The following LRRC2 variants were observed in gnomAD, a reference collection of about 807,000 sequenced individuals.
The protein encoded by LRRC2 is leucine-rich repeat-containing protein 2.
In LRRC2, 27 loss-of-function variants were observed where a neutral mutation model predicts 40.2. The ratio of observed to expected loss-of-function variants is 0.67; its 90% confidence interval spans 0.49 to 0.93. The LOEUF (loss-of-function observed/expected upper bound fraction) is 0.93. Among genes scored for constraint, LRRC2 ranks in the 40% least tolerant of loss-of-function variants. LRRC2 has a pLI of 0.00. For synonymous variants in LRRC2, 147 were observed against 158.9 expected (o/e 0.92, Z 0.56); for missense variants, 402 against 439.6 (o/e 0.91, Z 0.76).
At chr3:46,550,352 G>A (rs555820604) in intron 2 of LRRC2, among the ~76,000 whole-genome samples, 68 of 144,028 alleles carry the variant, frequency 4.7e-4, no homozygotes, top group Non-Finnish European at 7.3e-4. Context: ...AACCAAGAAT[G>A]TAGACACATT....
intron 7 of LRRC2, among the ~76,000 whole-genome samples, chr3:46,525,425 A>AT (rs1023889974): frequency 6.6e-6 from 1 of 151,436 alleles, no homozygotes; most frequent in African/African-American, 2.4e-5. Context: ...TAATTTCTTA[A>AT]TTTTTTGTAG....
chr3:46,555,029 A>G (rs1158551070), intron 1 of LRRC2, among the ~76,000 whole-genome samples: 1 of 152,204 alleles, frequency 6.6e-6, no homozygotes, highest in African/African-American at 2.4e-5. Flanking sequence ...TTAGGCATTT[A>G]TAGATCTTCT....
intron 1 of LRRC2, among the ~76,000 whole-genome samples, chr3:46,554,226 G>A (rs1704735853): frequency 8.6e-6 from 1 of 116,354 alleles, no homozygotes; most frequent in Admixed American, 9.0e-5. Flanking sequence ...CCACTATGTT[G>A]CCCAGACTGG....
At position 46,539,015 on chromosome 3, in the gene LRRC2, G is replaced by C. The variant is rs78682983; in HGVS notation, c.490+30C>G. On this transcript the variant is annotated intron_variant, in intron 4 of 8. Transcript: ENST00000395905. ...ACAGCTGCCTGCTTAACACACCAGA[G>C]GCCCGAAGACCCCTGCTAAGTTGAC... The C allele has an allele frequency of 1.8e-3, 2,850 of 1,607,780 alleles. 48 individuals carry two copies. The East Asian group carries it at 0.035, about 20-fold the overall frequency.
intron 6 of LRRC2, among the ~76,000 whole-genome samples, 184 bp downstream of exon 6, chr3:46,529,721 A>G (rs1243846093): frequency 6.6e-6 from 1 of 152,240 alleles, no homozygotes; most frequent in Non-Finnish European, 1.5e-5. Flanking sequence ...ACATACATGT[A>G]TGATGCAGAC....
chr3:46,555,083 G>T (rs2107047350), intron 1 of LRRC2, among the ~76,000 whole-genome samples: 1 of 152,040 alleles, frequency 6.6e-6, no homozygotes, highest in Non-Finnish European at 1.5e-5. Flanking sequence ...TTTTAATTGG[G>T]TTAATTGGTC....
chr3:46,549,784 C>T (rs1219247413), intron 2 of LRRC2, among the ~76,000 whole-genome samples: 2 of 152,230 alleles, frequency 1.3e-5, no homozygotes, highest in African/African-American at 4.8e-5. Flanking sequence ...ACAGGTGCTT[C>T]CCTAACTCCC....
chr3:46,550,956 A>C (rs1226953695), intron 2 of LRRC2, among the ~76,000 whole-genome samples: 1 of 152,212 alleles, frequency 6.6e-6, no homozygotes, highest in African/African-American at 2.4e-5. Context: ...GTTCATATAC[A>C]TAACTTTCTT....
At chr3:46,542,342 T>C (rs898457171) in intron 3 of LRRC2, among the ~76,000 whole-genome samples, 28 of 133,168 alleles carry the variant, frequency 2.1e-4, no homozygotes, top group Middle Eastern at 7.8e-3. Context: ...TAAAAAAAAA[T>C]TAAATTAGCC....
intron 3 of LRRC2, among the ~76,000 whole-genome samples, chr3:46,544,290 G>C (rs1200538439): frequency 3.3e-5 from 5 of 152,152 alleles, no homozygotes; most frequent in Non-Finnish European, 7.3e-5. Context: ...AGGCAAAGGC[G>C]GGCAGATCAC....
At chr3:46,551,269 A>C in intron 2 of LRRC2, 198 bp downstream of exon 2, 1 of 493,350 alleles carries the variant, frequency 2.0e-6, no homozygotes, top group Non-Finnish European at 3.4e-6. Flanking sequence ...GTAGGTCCTT[A>C]TAACCATGGG....
chr3:46,521,140 T>C (rs1423471337), intron 8 of LRRC2, among the ~76,000 whole-genome samples: 2 of 152,244 alleles, frequency 1.3e-5, no homozygotes, highest in Non-Finnish European at 2.9e-5. Flanking sequence ...GTGAGATAAC[T>C]TTTTCAAAAG....
At chr3:46,519,190 T>C (rs1366677642) in intron 8 of LRRC2, 127 bp from the exon 9 acceptor site, 3 of 738,836 alleles carry the variant, frequency 4.1e-6, no homozygotes, top group African/African-American at 1.7e-5. Flanking sequence ...GTTTTAAGTA[T>C]AGAGATACTG....
chr3:46,545,006 G>C, intron 3 of LRRC2, 40 bp downstream of exon 3: 1 of 1,578,412 alleles, frequency 6.3e-7, no homozygotes, highest in Non-Finnish European at 8.7e-7. Context: ...AGCAGTCATC[G>C]ACCACAGCAC....
chr3:46,532,902 C>T lies in LRRC2; in HGVS notation c.498G>A (p.Leu166=), dbSNP rs1337210930. The change falls in exon 5 of 9, where the codon TTG becomes TTA. Residue 166 remains leucine (L), a synonymous_variant. Coordinates refer to ENST00000395905, the MANE Select transcript of LRRC2 (RefSeq NM_024512.5). ...CCACATTGAGTTCTTTCAGGTTCTT[C>T]AAACAACCTGTCAGCAGAAAAAGTT... ...ISHLPAEIGC[L]KNLKELNVGF... 6.2e-7 allele frequency: 1 copy of T among 1,613,320 alleles called. No individual in the cohort carries two copies. Among genetic ancestry groups the T allele is most frequent in the Non-Finnish European group, 8.5e-7 (1 of 1,179,778 alleles).
At chr3:46,547,073 C>A (rs976544807) in intron 2 of LRRC2, among the ~76,000 whole-genome samples, 3 of 152,178 alleles carry the variant, frequency 2.0e-5, no homozygotes. Flanking sequence ...TGCTGTTATG[C>A]CTGCCTGCAA....
intron 3 of LRRC2, among the ~76,000 whole-genome samples, chr3:46,541,264 C>T (rs1191845622): frequency 2.7e-5 from 4 of 148,844 alleles, no homozygotes; most frequent in African/African-American, 9.9e-5. Context: ...ACCCGGGAAG[C>T]GGACCTTGAA....
intron 3 of LRRC2, 49 bp from the exon 4 acceptor site, chr3:46,539,250 C>T: frequency 6.4e-7 from 1 of 1,563,598 alleles, no homozygotes; most frequent in Non-Finnish European, 8.7e-7. Context: ...TCCGTGTGCA[C>T]AAAGCCGTGT....
chr3:46,518,209 C>A lies in LRRC2; in HGVS notation c.*805G>T, dbSNP rs996239179. ...AGTCTCTCCTGGGAGTCTACACTTGCCAAAATATAACTTAAAACATATGGA... is the reference window on the plus strand; with the variant it reads ...AGTCTCTCCTGGGAGTCTACACTTGACAAAATATAACTTAAAACATATGGA... On this transcript the variant is annotated 3_prime_UTR_variant, in exon 9 of 9. Transcript: ENST00000395905. 2 of 152,098 alleles carry A rather than the reference C, an allele frequency of 1.3e-5. No homozygotes were observed. Among genetic ancestry groups the A allele is most frequent in the Admixed American group, 6.5e-5 (1 of 15,274 alleles). The allele number at this position is 152,098 out of a possible 1,614,324, so 9.4% of individuals were successfully genotyped here. A position where few individuals can be genotyped will look rare whatever the true frequency, so the allele number is the denominator to read the frequency against.
Sources: allele counts gnomAD v4.1 joint callset (sites outside exome capture counted in the v4.1 genomes callset), GRCh38; gene constraint gnomAD v4.1.1; transcripts MANE v1.5; gene names NCBI Gene and HGNC (gene_info 2026-07-23, HGNC 2026-07-21).